GPR174: variants seen among roughly 807,000 people sequenced by gnomAD.
GPR174 encodes the protein G protein-coupled receptor 174, also known as probable G protein-coupled receptor 174.
A neutral mutation model predicts 16.5 loss-of-function variants in GPR174; 8 were observed. The ratio of observed to expected loss-of-function variants is 0.48; its 90% CI spans 0.28 to 0.87. GPR174 has a LOEUF of 0.87. Ranked by LOEUF, GPR174 falls within the 40% of genes least tolerant of loss-of-function variation. GPR174 has a pLI of 0.09. For missense variants in GPR174, 214 were observed against 247.5 expected (o/e 0.86, Z 0.91); for synonymous variants, 111 against 94.8 (o/e 1.17, Z -0.99).
Position 79,146,637 on chromosome X carries a change from G to A in GPR174, c.-654+1420G>A, listed in dbSNP as rs758378947. On this transcript the variant is annotated intron_variant, in intron 1 of 2. Transcript: ENST00000645147. ...TTGTTATATGTTTGTAATAATATTT[G>A]TGTGAGACAGGAACCACCTAGTGTA... Among the ~76,000 whole-genome samples the A allele has an allele frequency of 2.0e-4, 22 of 112,184 alleles. No individual in the cohort carries two copies. The South Asian group carries it at 7.8e-3, about 40-fold the overall frequency.
Position 79,172,057 on chromosome X carries a change from C to T in GPR174, c.*48C>T. On this transcript the variant is annotated 3_prime_UTR_variant, in exon 3 of 3. Transcript: ENST00000645147. ...GACCTGAAATGCAAGTACATCAGAA[C>T]ATATCTGCAATACCCAAGCCACAGG... 1 of 1,119,085 alleles carries T rather than the reference C, an allele frequency of 8.9e-7. No individual in the cohort carries two copies. Among genetic ancestry groups the T allele is most frequent in the Non-Finnish European group, 1.2e-6 (1 of 836,534 alleles). The allele number at this position is 1,119,085 out of a possible 1,213,427, so 92.2% of individuals were successfully genotyped here.
chrX:79,153,007 G>A (rs1007920767), intron 1 of GPR174, among the ~76,000 whole-genome samples: 2 of 112,064 alleles, frequency 1.8e-5, no homozygotes, highest in Non-Finnish European at 3.8e-5. Context: ...CTTGCAGATT[G>A]AAGTGCTTAT....
At chrX:79,168,792 A>C (rs1392385054) in intron 2 of GPR174, among the ~76,000 whole-genome samples, 1 of 111,184 alleles carries the variant, frequency 9.0e-6, no homozygotes, top group Non-Finnish European at 1.9e-5. Flanking sequence ...TATTTAGTTA[A>C]AACCCAGGTG....
intron 2 of GPR174, among the ~76,000 whole-genome samples, chrX:79,160,447 T>G (rs7054490): frequency 1.2e-3 from 134 of 111,998 alleles, no homozygotes; most frequent in African/African-American, 4.0e-3. Flanking sequence ...AATTTATTAT[T>G]TAAATAAAAT....
In GPR174 at chrX:79,144,994, CTCTCTCTCTCTCTT is replaced by C. The variant is rs1459071830; in HGVS notation, c.-873_-860del. ...TTTCTTTCTTTTTCTTTCTTTCTTT[CTCTCTCTCTCTCTT>C]TCTTTCTTTCTTTCTTTCTTTCTTT... On this transcript the variant is annotated 5_prime_UTR_variant, in exon 1 of 3. Coordinates refer to ENST00000645147, the MANE Select transcript of GPR174 (RefSeq NM_032553.3). 182 of 36,731 alleles carry C rather than the reference CTCTCTCTCTCTCTT, an allele frequency of 5.0e-3. 3 individuals are homozygous for C. The highest frequency in any genetic ancestry group is 7.2e-3 in the Non-Finnish European group (135 of 18,832). The allele number at this position is 36,731 out of a possible 1,213,427, so 3.0% of individuals were successfully genotyped here. A position where few individuals can be genotyped will look rare whatever the true frequency, so the allele number is the denominator to read the frequency against.
At chrX:79,155,774 A>G (rs1432069234) in intron 1 of GPR174, among the ~76,000 whole-genome samples, 2 of 112,236 alleles carry the variant, frequency 1.8e-5, no homozygotes, top group African/African-American at 6.5e-5. Context: ...GGATTCCTTC[A>G]AAAGTTATCA....
rs142588216 is a variant in GPR174 at position 79,171,283 on chromosome X, G to A, written c.276G>A (p.Met92Ile). ...HDWPFGPGLC[M>I]FCFYLKYVNM... ...GGCCATTTGGGCCTGGTCTCTGCAT[G>A]TTCTGTTTCTACCTGAAGTATGTCA... is the stretch of plus-strand genomic sequence containing the variant. Residue 92 changes from methionine to isoleucine, a missense_variant, in exon 3 of 3, where the codon ATG (methionine) becomes ATA (isoleucine). Met to Ile is a conservative substitution (Grantham distance 10, BLOSUM62 1). Coordinates refer to ENST00000645147, the MANE Select transcript of GPR174 (RefSeq NM_032553.3). The A allele has an allele frequency of 1.3e-4, 153 of 1,210,000 alleles. No individual in the cohort carries two copies. In the African/African-American group the frequency reaches 1.3e-3, roughly 10 times the overall value.
intron 1 of GPR174, among the ~76,000 whole-genome samples, chrX:79,151,768 T>A (rs112843341): frequency 8.9e-6 from 1 of 111,967 alleles, no homozygotes; most frequent in South Asian, 3.6e-4. Flanking sequence ...TCAACCATTC[T>A]TTATGATGTG....
At chrX:79,168,141 T>A (rs1252231579) in intron 2 of GPR174, among the ~76,000 whole-genome samples, 2 of 111,928 alleles carry the variant, frequency 1.8e-5, no homozygotes, top group Non-Finnish European at 3.8e-5. Flanking sequence ...TTCTCTTCTG[T>A]CCAGAACTTG....
chrX:79,165,827 C>T (rs1207305773), intron 2 of GPR174, among the ~76,000 whole-genome samples: 4 of 111,019 alleles, frequency 3.6e-5, no homozygotes, highest in African/African-American at 6.6e-5. Context: ...AAGAAGACTG[C>T]AAAAAAGTGA....
Position 79,172,061 on chromosome X carries a change from T to C in GPR174, c.*52T>C, listed in dbSNP as rs761889900. 28 of 1,100,830 alleles carry C rather than the reference T, an allele frequency of 2.5e-5. No homozygotes were observed. The highest frequency in any genetic ancestry group is 3.0e-5 in the Non-Finnish European group (25 of 823,121). The allele number at this position is 1,100,830 out of a possible 1,213,427, so 90.7% of individuals were successfully genotyped here. ...TGAAATGCAAGTACATCAGAACATA[T>C]CTGCAATACCCAAGCCACAGGGAAG... On this transcript the variant is annotated 3_prime_UTR_variant, in exon 3 of 3. Transcript: ENST00000645147.
At chrX:79,146,992 C>T (rs1036050306) in intron 1 of GPR174, among the ~76,000 whole-genome samples, 4 of 111,481 alleles carry the variant, frequency 3.6e-5, no homozygotes, top group African/African-American at 1.3e-4. Context: ...AAAGTGACTC[C>T]CCACCCAAAA....
At chrX:79,168,741 A>G (rs1345406793) in intron 2 of GPR174, among the ~76,000 whole-genome samples, 2 of 110,766 alleles carry the variant, frequency 1.8e-5, no homozygotes, top group Non-Finnish European at 3.8e-5. Flanking sequence ...AAAAAAAGGA[A>G]TTAAGTAATT....
chrX:79,151,413 G>A (rs981204901), intron 1 of GPR174, among the ~76,000 whole-genome samples: 1 of 110,832 alleles, frequency 9.0e-6, no homozygotes, highest in Non-Finnish European at 1.9e-5. Flanking sequence ...TATATAACTT[G>A]GTGAGTTTGG....
In GPR174 at chrX:79,146,181, C is replaced by T. The variant is rs1042922864; in HGVS notation, c.-654+964C>T. On this transcript the variant is annotated intron_variant, in intron 1 of 2. Transcript: ENST00000645147. ...GACTAAGAGAAAAAAGTCATGAATT[C>T]CTATGTGAGAGAGAGATAGAAATGA... Among the ~76,000 whole-genome samples the T allele has an allele frequency of 4.5e-5, 5 of 111,259 alleles. No homozygotes were observed. In the Admixed American group the frequency reaches 4.8e-4, roughly 11 times the overall value.
chrX:79,152,701 T>A (rs189872085), intron 1 of GPR174, among the ~76,000 whole-genome samples: 22 of 111,830 alleles, frequency 2.0e-4, no homozygotes, highest in African/African-American at 7.1e-4. Flanking sequence ...AAGTTTGAAC[T>A]CATGTTCCTT....
At chrX:79,157,107 G>A (rs1305753603) in intron 2 of GPR174, among the ~76,000 whole-genome samples, 189 bp downstream of exon 2, 2 of 111,611 alleles carry the variant, frequency 1.8e-5, no homozygotes, top group Non-Finnish European at 3.8e-5. Flanking sequence ...TACAGAACAC[G>A]AAAAGCTGTA....
At chrX:79,166,431 T>C (rs1276387362) in intron 2 of GPR174, among the ~76,000 whole-genome samples, 1 of 77,447 alleles carries the variant, frequency 1.3e-5, no homozygotes, top group African/African-American at 5.0e-5. Context: ...TTTTCTTTTT[T>C]CTTTTTTTTT....
Position 79,156,876 on chromosome X carries a change from T to G in GPR174, c.-599T>G, listed in dbSNP as rs1385213514. 8.9e-6 allele frequency: 1 copy of G among 112,172 alleles called. No homozygotes were observed. Among genetic ancestry groups the G allele is most frequent in the Admixed American group, 9.4e-5 (1 of 10,594 alleles). The allele number at this position is 112,172 out of a possible 1,213,427, so 9.2% of individuals were successfully genotyped here. ...CCAACACTTCCTCAGGAGACCCTAT[T>G]GCTCTGATCAAGAAGTTCCATCAGC... On this transcript the variant is annotated 5_prime_UTR_variant, in exon 2 of 3. It adds an upstream start codon to the 5' untranslated region. Coordinates refer to ENST00000645147, the MANE Select transcript of GPR174 (RefSeq NM_032553.3).
Sources: gnomAD v4.1 joint callset for allele counts (sites outside exome capture counted in the v4.1 genomes callset) on GRCh38, gnomAD v4.1.1 for gene constraint, MANE v1.5 for transcripts, NCBI Gene and HGNC (gene_info 2026-07-23, HGNC 2026-07-21) for gene names.